CTIF: variants seen among roughly 807,000 people sequenced by gnomAD.
CTIF encodes the protein CBP80/20-dependent translation initiation factor.
A neutral mutation model predicts 66.0 loss-of-function variants in CTIF; 21 were observed. The observed-to-expected ratio is 0.32, with a 90% CI of 0.23 to 0.46. The LOEUF (loss-of-function observed/expected upper bound fraction) is 0.46. CTIF is among the 20% of genes least tolerant of loss of function. The probability of loss-of-function intolerance (pLI) is 1.00; values close to 1 mark genes in which losing one functional copy is unlikely to be tolerated. For missense variants in CTIF, 739 were observed against 812.7 expected, an observed-to-expected ratio of 0.91 and a Z score of 1.10; for synonymous variants, 345 against 326.4, an observed-to-expected ratio of 1.06 and a Z score of -0.62.
chr18:48,682,514 G>T (rs753403172), intron 6 of CTIF, among the ~76,000 whole-genome samples: 4 of 152,320 alleles, frequency 2.6e-5, no homozygotes, highest in Middle Eastern at 3.4e-3. Context: ...AACAGTTGGA[G>T]AACCACTGCC....
intron 7 of CTIF, among the ~76,000 whole-genome samples, chr18:48,717,405 AT>A (rs2092292171): frequency 9.0e-6 from 1 of 111,186 alleles, no homozygotes; most frequent in African/African-American, 4.2e-5. Flanking sequence ...TCTTTAAAAA[AT>A]AAATAAATAA....
At chr18:48,563,885 C>T (rs569014624) in intron 1 of CTIF, among the ~76,000 whole-genome samples, 1 of 152,326 alleles carries the variant, frequency 6.6e-6, no homozygotes, top group South Asian at 2.1e-4. Context: ...GTGCTTCCCT[C>T]TTGCTTGTGG....
intron 7 of CTIF, among the ~76,000 whole-genome samples, chr18:48,743,810 C>T (rs2092573731): frequency 1.3e-5 from 2 of 152,050 alleles, no homozygotes; most frequent in African/African-American, 2.4e-5. Context: ...AAGAGTGTTT[C>T]CAAGAGAAAC....
At chr18:48,655,325 A>G (rs2091229550) in intron 3 of CTIF, among the ~76,000 whole-genome samples, 1 of 150,334 alleles carries the variant, frequency 6.7e-6, no homozygotes, top group Non-Finnish European at 1.5e-5. Flanking sequence ...AAAAAAGAAG[A>G]ATAAAAAAAG....
In CTIF at chr18:48,761,156, A is replaced by G. The variant is rs992893082; in HGVS notation, c.1072-234A>G. ...TATGAGAATCCTGGGTAGGAGCTAGAACCCAAAAACAGTATCAGCCCTGGA... is the reference window on the plus strand; with the variant it reads ...TATGAGAATCCTGGGTAGGAGCTAGGACCCAAAAACAGTATCAGCCCTGGA... On this transcript the variant is annotated intron_variant, in intron 8 of 11. Coordinates refer to ENST00000256413, the MANE Select transcript of CTIF (RefSeq NM_014772.3). The surrounding 1 kb of genome is among the most constrained non-coding windows in gnomAD (Gnocchi z 4.2). 40 of 492,800 alleles carry G rather than the reference A, an allele frequency of 8.1e-5. No individual in the cohort carries two copies. The East Asian group carries it at 1.2e-3, about 15-fold the overall frequency. 30.5% of individuals were successfully genotyped at this position (492,800 alleles called of 1,614,324 possible).
At chr18:48,575,646 C>G (rs1473017096) in intron 1 of CTIF, among the ~76,000 whole-genome samples, 2 of 152,300 alleles carry the variant, frequency 1.3e-5, no homozygotes, top group East Asian at 1.9e-4. Flanking sequence ...ATGGAAGGTC[C>G]GTGGAGATGC....
chr18:48,721,498 G>A (rs764395547), intron 7 of CTIF, among the ~76,000 whole-genome samples: 1 of 152,136 alleles, frequency 6.6e-6, no homozygotes. Context: ...CTGGCACCAA[G>A]CCAGCCCAGC....
intron 7 of CTIF, among the ~76,000 whole-genome samples, chr18:48,742,458 G>A (rs1568181194): frequency 6.6e-6 from 1 of 152,226 alleles, no homozygotes; most frequent in Non-Finnish European, 1.5e-5. Context: ...ACCTGCCACA[G>A]GAACCGTAGC....
At chr18:48,586,922 C>T (rs1003239553) in intron 1 of CTIF, among the ~76,000 whole-genome samples, 1 of 152,092 alleles carries the variant, frequency 6.6e-6, no homozygotes, top group East Asian at 1.9e-4. Flanking sequence ...CATACAGCAC[C>T]ATCCTAAGTT....
At chr18:48,620,756 T>C (rs770216188) in intron 2 of CTIF, among the ~76,000 whole-genome samples, 7 of 152,128 alleles carry the variant, frequency 4.6e-5, no homozygotes, top group Non-Finnish European at 1.0e-4. Context: ...CCTGGGACAA[T>C]CAGAAGGTGA....
intron 3 of CTIF, among the ~76,000 whole-genome samples, chr18:48,638,639 GT>G (rs1262578134): frequency 2.0e-5 from 3 of 152,200 alleles, no homozygotes; most frequent in Admixed American, 2.0e-4. Context: ...GTATGGGCTT[GT>G]CCCTGCTCCA....
At chr18:48,547,865 G>A (rs975244652) in intron 1 of CTIF, among the ~76,000 whole-genome samples, 1 of 152,190 alleles carries the variant, frequency 6.6e-6, no homozygotes, top group African/African-American at 2.4e-5. Context: ...GCTTTGGCTC[G>A]GTGCTTTTCG....
At chr18:48,828,075 T>A (rs1421749763) in intron 10 of CTIF, among the ~76,000 whole-genome samples, 1 of 139,446 alleles carries the variant, frequency 7.2e-6, no homozygotes, top group Non-Finnish European at 1.5e-5. Flanking sequence ...CTCTGCAAAC[T>A]GAAATGTGAA....
rs117536652 is a variant in CTIF, at chr18:48,756,524, A to G, written c.585-1395A>G. Among the ~76,000 whole-genome samples the G allele has an allele frequency of 4.9e-3, 754 of 152,356 alleles. 24 individuals carry two copies. The East Asian group carries it at 0.081, about 16-fold the overall frequency. On this transcript the variant is annotated intron_variant, in intron 7 of 11. Transcript: ENST00000256413. ...GCAATGAAGGTCTGTGGTACCCAAGATAGGTCACGGAGGAGGTGCAGCGCT... is the reference window on the plus strand; with the variant it reads ...GCAATGAAGGTCTGTGGTACCCAAGGTAGGTCACGGAGGAGGTGCAGCGCT...
At chr18:48,547,444 G>A (rs2088778198) in intron 1 of CTIF, among the ~76,000 whole-genome samples, 1 of 152,192 alleles carries the variant, frequency 6.6e-6, no homozygotes. Context: ...TTCAAACTCA[G>A]GAGACATCTT....
At chr18:48,726,297 G>A (rs2092386695) in intron 7 of CTIF, among the ~76,000 whole-genome samples, 1 of 152,162 alleles carries the variant, frequency 6.6e-6, no homozygotes. Context: ...CGTTTGTATT[G>A]GGGTTATCTA....
At chr18:48,828,755 G>A (rs2068632612) in intron 10 of CTIF, among the ~76,000 whole-genome samples, 1 of 152,226 alleles carries the variant, frequency 6.6e-6, no homozygotes, top group South Asian at 2.1e-4. Context: ...CCCAGCACGA[G>A]CTATAAATCC....
chr18:48,751,713 T>G (rs759038393), intron 7 of CTIF, among the ~76,000 whole-genome samples: 1 of 152,128 alleles, frequency 6.6e-6, no homozygotes, highest in African/African-American at 2.4e-5. Context: ...GTCTGGACCT[T>G]AAGACCTGGA....
intron 1 of CTIF, among the ~76,000 whole-genome samples, chr18:48,618,895 T>C (rs1347700061): frequency 3.3e-5 from 5 of 152,222 alleles, no homozygotes; most frequent in Non-Finnish European, 7.3e-5. Flanking sequence ...AGCAAGCCTT[T>C]CTCGTTCTGC....
Sources: gnomAD v4.1 joint callset for allele counts (sites outside exome capture counted in the v4.1 genomes callset) on GRCh38, gnomAD v4.1.1 for gene constraint, Gnocchi (gnomAD v3.1) non-coding constraint, MANE v1.5 for transcripts, NCBI Gene and HGNC (gene_info 2026-07-23, HGNC 2026-07-21) for gene names.